The following OXR1 variants were observed in gnomAD, a reference collection of about 807,000 sequenced individuals.
OXR1 encodes the protein oxidation resistance protein 1.
A neutral mutation model predicts 104.6 loss-of-function variants in OXR1; 41 were observed. That is an observed-to-expected ratio of 0.39 (90% confidence interval 0.31 to 0.51). The LOEUF (loss-of-function observed/expected upper bound fraction) is 0.51, where lower values mean the gene tolerates loss of function less well. Among genes scored for constraint, OXR1 ranks in the 20% least tolerant of loss-of-function variants. OXR1 has a pLI of 0.77. For missense variants in OXR1, 955 were observed against 1,031.9 expected (o/e 0.93, Z 1.02); for synonymous variants, 348 against 348.4 (o/e 1.00, Z 0.01).
At chr8:106,409,052 A>G (rs1471631812) in intron 2 of OXR1, among the ~76,000 whole-genome samples, 2 of 152,136 alleles carry the variant, frequency 1.3e-5, no homozygotes, top group African/African-American at 4.8e-5. Context: ...CCTTAGAGTT[A>G]TAGAATAGCT....
intron 2 of OXR1, among the ~76,000 whole-genome samples, chr8:106,429,768 T>C (rs12547857): frequency 0.23 from 34,298 of 151,986 alleles, 5,368 homozygotes; most frequent in African/African-American, 0.42. Context: ...TTATTTTTTT[T>C]TTCCTCTTTC....
chr8:106,325,996 G>A (rs1366965683), intron 1 of OXR1, among the ~76,000 whole-genome samples: 7 of 152,140 alleles, frequency 4.6e-5, no homozygotes, highest in Non-Finnish European at 1.0e-4. Context: ...CATATGTATA[G>A]TCATTAGTTA....
chr8:106,348,413 T>C (rs1446773834), intron 1 of OXR1, among the ~76,000 whole-genome samples: 1 of 152,202 alleles, frequency 6.6e-6, no homozygotes, highest in Non-Finnish European at 1.5e-5. Context: ...ATTAACATGC[T>C]TATGTTCTGA....
At chr8:106,720,428 G>A (rs963421693) in intron 11 of OXR1, among the ~76,000 whole-genome samples, 5 of 152,144 alleles carry the variant, frequency 3.3e-5, no homozygotes, top group Admixed American at 2.6e-4. Context: ...TATTAAGACT[G>A]TGGAAGACTC....
chr8:106,486,594 A>G (rs980083260), intron 2 of OXR1, among the ~76,000 whole-genome samples: 2 of 152,142 alleles, frequency 1.3e-5, no homozygotes, highest in African/African-American at 4.8e-5. Context: ...CAGTATTTCA[A>G]TTACATAAGT....
intron 3 of OXR1, among the ~76,000 whole-genome samples, chr8:106,588,357 G>C (rs1156949822): frequency 6.6e-6 from 1 of 151,910 alleles, no homozygotes; most frequent in Non-Finnish European, 1.5e-5. Context: ...AGTTATCTTT[G>C]ATAGGACTGC....
At chr8:106,713,745 A>C in intron 10 of OXR1, 78 bp from the exon 11 acceptor site, 1 of 794,414 alleles carries the variant, frequency 1.3e-6, no homozygotes, top group Non-Finnish European at 1.9e-6. Context: ...AAGATTTATC[A>C]AGATATTTTA....
chr8:106,401,629 C>T (rs1336891776), intron 2 of OXR1, among the ~76,000 whole-genome samples: 1 of 152,086 alleles, frequency 6.6e-6, no homozygotes, highest in Non-Finnish European at 1.5e-5. Flanking sequence ...CTTGAAAAGC[C>T]AAGAGACCTC....
chr8:106,404,742 G>C (rs1175211142), intron 2 of OXR1, among the ~76,000 whole-genome samples: 4 of 151,706 alleles, frequency 2.6e-5, no homozygotes, highest in African/African-American at 7.3e-5. Flanking sequence ...GTCTCACTCT[G>C]TTGCCCAGGC....
intron 2 of OXR1, among the ~76,000 whole-genome samples, chr8:106,518,372 C>G (rs1813005525): frequency 6.6e-6 from 1 of 152,096 alleles, no homozygotes; most frequent in South Asian, 2.1e-4. Context: ...GAAATATTTC[C>G]TGGATAGCTT....
At chr8:106,511,081 C>A (rs886731381) in intron 2 of OXR1, among the ~76,000 whole-genome samples, 18 of 152,174 alleles carry the variant, frequency 1.2e-4, no homozygotes, top group Non-Finnish European at 2.2e-4. Flanking sequence ...TCTATACCCC[C>A]AAGGGATTGT....
intron 3 of OXR1, among the ~76,000 whole-genome samples, chr8:106,610,717 T>C (rs961408896): frequency 6.6e-6 from 1 of 152,216 alleles, no homozygotes; most frequent in African/African-American, 2.4e-5. Context: ...CCTACTTGCC[T>C]GACTTACTCT....
chr8:106,697,847 G>C (rs1480645203), intron 7 of OXR1: 86 of 1,612,266 alleles, frequency 5.3e-5, no homozygotes, highest in Non-Finnish European at 3.5e-5. Flanking sequence ...CCATCCTTGA[G>C]CCAGTTCTGG....
At chr8:106,567,906 A>G (rs1817198710) in intron 3 of OXR1, among the ~76,000 whole-genome samples, 1 of 152,198 alleles carries the variant, frequency 6.6e-6, no homozygotes, top group Non-Finnish European at 1.5e-5. Flanking sequence ...AACAATGTCT[A>G]AAATAAAGTA....
chr8:106,391,221 T>G, intron 2 of OXR1, among the ~76,000 whole-genome samples: 1 of 152,192 alleles, frequency 6.6e-6, no homozygotes, highest in East Asian at 1.9e-4. Context: ...TGTCTATGCT[T>G]GTATTTGCCA....
At chr8:106,662,573 C>G (rs779608273) in intron 3 of OXR1, among the ~76,000 whole-genome samples, 1 of 152,068 alleles carries the variant, frequency 6.6e-6, no homozygotes. Flanking sequence ...CTGTGTCTTA[C>G]GCACAAGTTA....
At chr8:106,563,425 A>C (rs1439243103) in intron 3 of OXR1, among the ~76,000 whole-genome samples, 2 of 152,226 alleles carry the variant, frequency 1.3e-5, no homozygotes, top group Admixed American at 6.5e-5. Flanking sequence ...GTATCAATGC[A>C]ACAAGAAGTG....
chr8:106,638,416 C>A lies in OXR1; in HGVS notation c.221-40794C>A, dbSNP rs570157684. The stretch of plus-strand genomic sequence containing the variant: ...TCTTCTATATTGACTATCTGCTGTT[C>A]TCAAACTTGAAGGCATCAGAATCAC... On this transcript the variant is annotated intron_variant, in intron 3 of 16. Transcript: ENST00000517566. 2.8e-3 allele frequency among the ~76,000 whole-genome samples: 420 copies of A among 152,206 alleles called. 2 individuals are homozygous for A. Among genetic ancestry groups the A allele is most frequent in the Non-Finnish European group, 5.3e-3 (362 of 68,006 alleles).
intron 2 of OXR1, among the ~76,000 whole-genome samples, chr8:106,404,499 C>T (rs1451923216): frequency 6.6e-6 from 1 of 152,096 alleles, no homozygotes; most frequent in African/African-American, 2.4e-5. Flanking sequence ...AGCCCTATGG[C>T]TACAGGAGTA....
Sources: allele counts gnomAD v4.1 joint callset (sites outside exome capture counted in the v4.1 genomes callset), GRCh38; gene constraint gnomAD v4.1.1; transcripts MANE v1.5; gene names NCBI Gene and HGNC (gene_info 2026-07-23, HGNC 2026-07-21).